The following ADAMTSL3 variants were observed in gnomAD, a reference collection of about 807,000 sequenced individuals.
ADAMTSL3 encodes ADAMTS like 3.
ADAMTSL3 carries 128 observed loss-of-function variants against 201.7 expected under a neutral mutation model. That is an observed-to-expected ratio of 0.63 (90% confidence interval 0.55 to 0.73). The LOEUF (loss-of-function observed/expected upper bound fraction) is 0.73. Ranked by LOEUF, ADAMTSL3 falls within the 30% of genes least tolerant of loss-of-function variation. ADAMTSL3 has a pLI of 0.00. For missense variants in ADAMTSL3, 1,990 were observed against 2,119.6 expected (o/e 0.94, Z 1.20); for synonymous variants, 738 against 748.4 (o/e 0.99, Z 0.23).
intron 6 of ADAMTSL3, among the ~76,000 whole-genome samples, chr15:83,825,481 C>T (rs961334302): frequency 6.6e-6 from 1 of 151,950 alleles, no homozygotes; most frequent in Non-Finnish European, 1.5e-5. Context: ...GGTGTGTTGG[C>T]GCAAGCCTAT....
At chr15:83,704,629 C>T in intron 3 of ADAMTSL3, 121 bp downstream of exon 3, 1 of 1,293,380 alleles carries the variant, frequency 7.7e-7, no homozygotes, top group Non-Finnish European at 1.1e-6. Flanking sequence ...TACAACAGAC[C>T]CTTGACACCC....
intron 17 of ADAMTSL3, among the ~76,000 whole-genome samples, chr15:83,931,831 T>G (rs1375186549): frequency 6.6e-6 from 1 of 152,140 alleles, no homozygotes; most frequent in Admixed American, 6.5e-5. Context: ...ACAGTTCAGT[T>G]TCTAAGATAA....
At chr15:83,934,530 A>C (rs916175526) in intron 17 of ADAMTSL3, among the ~76,000 whole-genome samples, 5 of 152,200 alleles carry the variant, frequency 3.3e-5, no homozygotes, top group Non-Finnish European at 5.9e-5. Context: ...GAATGAATTA[A>C]AGCTTTGGGG....
At chr15:83,798,070 G>A (rs7162500) in intron 4 of ADAMTSL3, among the ~76,000 whole-genome samples, 15,619 of 152,066 alleles carry the variant, frequency 0.1, 893 homozygotes, top group East Asian at 0.25. Context: ...ATCTGTTAAC[G>A]TGGATATTCT....
intron 8 of ADAMTSL3, among the ~76,000 whole-genome samples, chr15:83,869,642 C>T (rs1038284126): frequency 1.3e-5 from 2 of 152,192 alleles, no homozygotes; most frequent in Admixed American, 1.3e-4. Flanking sequence ...AACCAAAGCC[C>T]AGCAGGCTAT....
chr15:83,787,519 C>A (rs754950501), intron 4 of ADAMTSL3, among the ~76,000 whole-genome samples: 1 of 151,984 alleles, frequency 6.6e-6, no homozygotes, highest in South Asian at 2.1e-4. Flanking sequence ...TATTTAAAAA[C>A]ATCATTTTTT....
At chr15:83,692,100 T>C (rs1358848340) in intron 2 of ADAMTSL3, among the ~76,000 whole-genome samples, 2 of 152,094 alleles carry the variant, frequency 1.3e-5, no homozygotes, top group Non-Finnish European at 2.9e-5. Context: ...TAGTTTGCCT[T>C]CTTCTTTTTT....
intron 23 of ADAMTSL3, among the ~76,000 whole-genome samples, chr15:84,009,105 C>T (rs2067958175): frequency 6.6e-6 from 1 of 152,202 alleles, no homozygotes; most frequent in Admixed American, 6.5e-5. Flanking sequence ...TTGCCCCCTG[C>T]AATCAACATA....
intron 10 of ADAMTSL3, among the ~76,000 whole-genome samples, chr15:83,887,782 C>T (rs990762743): frequency 2.6e-5 from 4 of 152,010 alleles, no homozygotes; most frequent in African/African-American, 9.7e-5. Context: ...GTAGAGATGG[C>T]ATCTCACTAT....
At chr15:83,886,424 T>C (rs1337824106) in intron 10 of ADAMTSL3, among the ~76,000 whole-genome samples, 1 of 152,216 alleles carries the variant, frequency 6.6e-6, no homozygotes, top group Admixed American at 6.5e-5. Flanking sequence ...TCCTGTCTTA[T>C]GCATGAACAA....
chr15:84,030,560 CT>C (rs2068388761), intron 27 of ADAMTSL3, among the ~76,000 whole-genome samples: 2 of 152,128 alleles, frequency 1.3e-5, no homozygotes, highest in African/African-American at 4.8e-5. Flanking sequence ...AACTAACTTA[CT>C]TTTCATGTTA....
chr15:83,693,495 G>T (rs550913049), intron 2 of ADAMTSL3, among the ~76,000 whole-genome samples: 1 of 152,250 alleles, frequency 6.6e-6, no homozygotes, highest in South Asian at 2.1e-4. Context: ...CGTCCTGCAG[G>T]TCCCAGCCAG....
chr15:83,718,652 C>T (rs895337442), intron 3 of ADAMTSL3, among the ~76,000 whole-genome samples: 1 of 147,736 alleles, frequency 6.8e-6, no homozygotes, highest in South Asian at 2.1e-4. Flanking sequence ...GATCCTGCCA[C>T]TGCATTCTAG....
chr15:83,819,000 C>G (rs912119649), intron 5 of ADAMTSL3, among the ~76,000 whole-genome samples: 1 of 152,122 alleles, frequency 6.6e-6, no homozygotes, highest in African/African-American at 2.4e-5. Flanking sequence ...AGGCCGGGCA[C>G]TGTGGCTCAC....
At position 83,871,603 on chromosome 15, in the gene ADAMTSL3, A is replaced by G. The variant is rs183689711; in HGVS notation, c.960+644A>G. 1.0e-3 allele frequency among the ~76,000 whole-genome samples: 157 copies of G among 152,278 alleles called. 2 individuals carry two copies. The highest frequency in any genetic ancestry group is 9.1e-3 in the Admixed American group (139 of 15,292). ...GATTTGCTTCCCCAGATGTTCTATG[A>G]CAGATACTTGTCACAAGATACCTTC... On this transcript the variant is annotated intron_variant, in intron 9 of 29. Coordinates refer to ENST00000286744, the MANE Select transcript of ADAMTSL3 (RefSeq NM_207517.3).
chr15:83,917,230 G>A (rs1457715160), intron 16 of ADAMTSL3, among the ~76,000 whole-genome samples: 2 of 152,178 alleles, frequency 1.3e-5, no homozygotes, highest in Admixed American at 1.3e-4. Flanking sequence ...CTGATATTCT[G>A]TATACTTATA....
intron 2 of ADAMTSL3, among the ~76,000 whole-genome samples, chr15:83,659,221 C>T (rs1304440314): frequency 3.3e-5 from 5 of 152,150 alleles, no homozygotes; most frequent in South Asian, 2.1e-4. Context: ...ACAGATCCCT[C>T]GAGGCCACAG....
intron 29 of ADAMTSL3, 65 bp from the exon 30 acceptor site, chr15:84,037,635 T>G: frequency 6.8e-7 from 1 of 1,477,484 alleles, no homozygotes; most frequent in Non-Finnish European, 9.0e-7. Context: ...TTTCATAAAG[T>G]CAAATAATTT....
chr15:83,694,577 A>G (rs899876020), intron 2 of ADAMTSL3, among the ~76,000 whole-genome samples: 13 of 152,204 alleles, frequency 8.5e-5, no homozygotes, highest in African/African-American at 3.1e-4. Flanking sequence ...ACTCTTAAGT[A>G]AAATTTTTGG....
Sources: gnomAD v4.1 joint callset for allele counts (sites outside exome capture counted in the v4.1 genomes callset) on GRCh38, gnomAD v4.1.1 for gene constraint, MANE v1.5 for transcripts, NCBI Gene and HGNC (gene_info 2026-07-23, HGNC 2026-07-21) for gene names.